The following UMAD1 variants were observed in gnomAD, a reference collection of about 807,000 sequenced individuals.
UMAD1 encodes UBAP1-MVB12-associated (UMA)-domain containing protein 1.
In UMAD1, 8 loss-of-function variants were observed where a neutral mutation model predicts 6.1. That is an observed-to-expected ratio of 1.30 (90% CI 0.76 to 2.35). UMAD1 has a LOEUF of 2.35. Among genes scored for constraint, UMAD1 ranks in the 30% most tolerant of loss-of-function variants. UMAD1 has a pLI of 0.00. For synonymous variants in UMAD1, 56 were observed against 31.4 expected (o/e 1.78, Z -2.61); for missense variants, 130 against 78.4 (o/e 1.66, Z -2.49).
intron 3 of UMAD1, among the ~76,000 whole-genome samples, chr7:7,862,967 T>C (rs1784143666): frequency 6.6e-6 from 1 of 152,158 alleles, no homozygotes. Flanking sequence ...TAAAACATTT[T>C]TTTGTGAAAT....
intron 3 of UMAD1, among the ~76,000 whole-genome samples, chr7:7,858,114 T>A (rs1784052930): frequency 1.3e-5 from 2 of 152,162 alleles, no homozygotes; most frequent in South Asian, 4.1e-4. Flanking sequence ...AAAATTAAAT[T>A]AGACTCAGGT....
chr7:7,708,077 G>A (rs750283141), intron 2 of UMAD1, among the ~76,000 whole-genome samples: 3 of 152,066 alleles, frequency 2.0e-5, no homozygotes, highest in Non-Finnish European at 2.9e-5. Context: ...TATTTCAGTC[G>A]TCATTCTTCT....
chr7:7,705,528 G>A (rs1336747177), intron 2 of UMAD1, among the ~76,000 whole-genome samples: 1 of 152,166 alleles, frequency 6.6e-6, no homozygotes, highest in Non-Finnish European at 1.5e-5. Context: ...CATATTGTAT[G>A]TAATCATCTG....
intron 3 of UMAD1, among the ~76,000 whole-genome samples, chr7:7,871,707 A>G (rs1053077526): frequency 5.3e-5 from 8 of 151,954 alleles, no homozygotes; most frequent in Non-Finnish European, 1.2e-4. Context: ...GGGTAAAGCA[A>G]CCCCCTTCAG....
At chr7:7,820,366 A>T (rs763223628) in intron 3 of UMAD1, among the ~76,000 whole-genome samples, 1 of 152,250 alleles carries the variant, frequency 6.6e-6, no homozygotes, top group Non-Finnish European at 1.5e-5. Context: ...TATAGCATCT[A>T]TAAGTCCACT....
rs147460919 is a variant in UMAD1 at position 7,668,208 on chromosome 7, T to A, written c.-63-5101T>A. Among the ~76,000 whole-genome samples, 72 of 152,254 alleles carry A rather than the reference T, an allele frequency of 4.7e-4. 1 individual carries two copies. The East Asian group carries it at 0.013, about 27-fold the overall frequency. ...GATTACAGGTGTAAGCCACCATGCC[T>A]GGTCCTACTTTACTTCTTTTACTTA... On this transcript the variant is annotated intron_variant, in intron 1 of 3. Transcript: ENST00000682710.
At chr7:7,671,957 C>T (rs2115105975) in intron 1 of UMAD1, among the ~76,000 whole-genome samples, 1 of 152,144 alleles carries the variant, frequency 6.6e-6, no homozygotes, top group Non-Finnish European at 1.5e-5. Flanking sequence ...GTGAAATCTG[C>T]CAGATATGTT....
At chr7:7,740,040 A>T (rs893300722) in intron 2 of UMAD1, among the ~76,000 whole-genome samples, 1 of 152,232 alleles carries the variant, frequency 6.6e-6, no homozygotes, top group African/African-American at 2.4e-5. Flanking sequence ...TTTCCCCTTC[A>T]GATAGAAGCA....
At position 7,778,275 on chromosome 7, in the gene UMAD1, T is replaced by TGAGAGA. The variant is rs1554327252; in HGVS notation, c.83-23378_83-23373dup. On this transcript the variant is annotated intron_variant, in intron 2 of 3. Transcript: ENST00000682710. The stretch of plus-strand genomic sequence containing the variant: ...GTGTGTGTGTGTGTGTGTGTGTGTG[T>TGAGAGA]GAGAGAGAGAGAGAGAGAGAGACAG... 4.0e-3 allele frequency among the ~76,000 whole-genome samples: 439 copies of TGAGAGA among 110,584 alleles called. 3 individuals are homozygous for TGAGAGA. Among genetic ancestry groups the TGAGAGA allele is most frequent in the African/African-American group, 0.012 (310 of 26,032 alleles). The allele number at this position is 110,584 out of a possible 152,430, so 72.5% of individuals were successfully genotyped here. A position where few individuals can be genotyped will look rare whatever the true frequency, so the allele number is the denominator to read the frequency against.
At chr7:7,692,975 A>G (rs1265722343) in intron 2 of UMAD1, among the ~76,000 whole-genome samples, 1 of 152,180 alleles carries the variant, frequency 6.6e-6, no homozygotes, top group African/African-American at 2.4e-5. Context: ...TGTGTCTAAA[A>G]TAGCTGTAGG....
At chr7:7,777,629 C>G (rs1335278210) in intron 2 of UMAD1, among the ~76,000 whole-genome samples, 2 of 125,442 alleles carry the variant, frequency 1.6e-5, no homozygotes, top group Non-Finnish European at 3.3e-5. Flanking sequence ...GGCTTTTTAA[C>G]CTAGAAAAAA....
chr7:7,866,651 G>T (rs1784233455), intron 3 of UMAD1, among the ~76,000 whole-genome samples: 1 of 152,220 alleles, frequency 6.6e-6, no homozygotes, highest in African/African-American at 2.4e-5. Flanking sequence ...CCATGAAAAG[G>T]TTTGGTTAAC....
intron 3 of UMAD1, among the ~76,000 whole-genome samples, chr7:7,812,229 T>C (rs1481356978): frequency 2.6e-5 from 4 of 152,282 alleles, no homozygotes; most frequent in African/African-American, 9.6e-5. Context: ...CAACCCTGTT[T>C]CCATCCAAAC....
chr7:7,690,696 T>C (rs1780153379), intron 2 of UMAD1, among the ~76,000 whole-genome samples: 1 of 152,128 alleles, frequency 6.6e-6, no homozygotes, highest in African/African-American at 2.4e-5. Flanking sequence ...TTGTTTTTGC[T>C]AAGGAGAGAA....
At chr7:7,746,228 C>T (rs143478035) in intron 2 of UMAD1, among the ~76,000 whole-genome samples, 65 of 152,252 alleles carry the variant, frequency 4.3e-4, no homozygotes, top group African/African-American at 1.5e-3. Context: ...GGTAAAAGCA[C>T]AGTGTACTGT....
intron 2 of UMAD1, among the ~76,000 whole-genome samples, chr7:7,696,783 G>T (rs1780329529): frequency 6.6e-6 from 1 of 152,020 alleles, no homozygotes; most frequent in Admixed American, 6.6e-5. Context: ...AACTCTATAG[G>T]TAGGGCCCTG....
intron 1 of UMAD1, among the ~76,000 whole-genome samples, chr7:7,669,379 T>G (rs1442659192): frequency 6.6e-6 from 1 of 152,178 alleles, no homozygotes; most frequent in Non-Finnish European, 1.5e-5. Flanking sequence ...GCTGTACCCC[T>G]CATAGAGGGG....
chr7:7,785,510 A>G (rs1431673066), intron 2 of UMAD1, among the ~76,000 whole-genome samples: 1 of 152,204 alleles, frequency 6.6e-6, no homozygotes, highest in African/African-American at 2.4e-5. Flanking sequence ...CCTTTATCCT[A>G]AGCACAATAG....
At chr7:7,847,096 A>T (rs1783804324) in intron 3 of UMAD1, among the ~76,000 whole-genome samples, 2 of 50,038 alleles carry the variant, frequency 4.0e-5, no homozygotes, top group African/African-American at 2.7e-4. Context: ...GCAAAAAAAA[A>T]AAAAAAAAAT....
Sources: gnomAD v4.1 joint callset for allele counts (sites outside exome capture counted in the v4.1 genomes callset) on GRCh38, gnomAD v4.1.1 for gene constraint, MANE v1.5 for transcripts, NCBI Gene and HGNC (gene_info 2026-07-23, HGNC 2026-07-21) for gene names.